The following RARB variants were observed in gnomAD, a reference collection of about 807,000 sequenced individuals.
RARB encodes retinoic acid receptor beta, also known as HBV-activated protein.
RARB carries 17 observed loss-of-function variants against 51.9 expected under a neutral mutation model. That is an observed-to-expected ratio of 0.33 (90% CI 0.22 to 0.49). RARB has a LOEUF of 0.49. Among genes scored for constraint, RARB ranks in the 20% least tolerant of loss-of-function variants. The probability of loss-of-function intolerance (pLI) is 0.99; values close to 1 mark genes in which losing one functional copy is unlikely to be tolerated. For missense variants in RARB, 369 were observed against 550.8 expected, an observed-to-expected ratio of 0.67 and a Z score of 3.30; for synonymous variants, 215 against 195.4, an observed-to-expected ratio of 1.10 and a Z score of -0.84.
intron 3 of RARB, among the ~76,000 whole-genome samples, chr3:25,083,741 T>C (rs1020760781): frequency 2.0e-5 from 3 of 152,182 alleles, no homozygotes; most frequent in African/African-American, 7.2e-5. Flanking sequence ...GGACTCTGGG[T>C]TGTATTATCA....
intron 2 of RARB, among the ~76,000 whole-genome samples, chr3:24,870,951 C>G (rs746493163): frequency 2.0e-5 from 3 of 151,580 alleles, no homozygotes; most frequent in Non-Finnish European, 4.4e-5. Flanking sequence ...TTATAGTAAC[C>G]CTGTTGTGCT....
intron 4 of RARB, among the ~76,000 whole-genome samples, chr3:25,164,686 A>G (rs1700531918): frequency 6.6e-6 from 1 of 152,198 alleles, no homozygotes; most frequent in African/African-American, 2.4e-5. Context: ...GGACCCTATT[A>G]TGGTTTCAAT....
At chr3:25,048,149 A>G (rs575287155) in intron 2 of RARB, among the ~76,000 whole-genome samples, 1 of 152,280 alleles carries the variant, frequency 6.6e-6, no homozygotes, top group South Asian at 2.1e-4. Context: ...ACCCATTCTC[A>G]GGTATGTCTT....
chr3:24,830,534 G>A (rs112187088), intron 1 of RARB, among the ~76,000 whole-genome samples: 3 of 150,784 alleles, frequency 2.0e-5, no homozygotes, highest in African/African-American at 7.3e-5. Context: ...CCAGCTCTCA[G>A]CGCGGGGTGA....
chr3:25,122,427 G>A (rs1699798920), intron 3 of RARB, among the ~76,000 whole-genome samples: 1 of 151,654 alleles, frequency 6.6e-6, no homozygotes, highest in Non-Finnish European at 1.5e-5. Flanking sequence ...TTGGCCTAGG[G>A]GTACTGTGGA....
chr3:25,303,526 T>G (rs759805467), intron 5 of RARB, among the ~76,000 whole-genome samples: 4 of 152,342 alleles, frequency 2.6e-5, no homozygotes, highest in East Asian at 3.9e-4. Flanking sequence ...GTGTCCCCTC[T>G]GACGTTAGCT....
intron 5 of RARB, among the ~76,000 whole-genome samples, chr3:25,234,797 T>A (rs1702265115): frequency 6.6e-6 from 1 of 152,122 alleles, no homozygotes; most frequent in South Asian, 2.1e-4. Context: ...AAGAAAAAAT[T>A]ATGAAGATTT....
intron 4 of RARB, among the ~76,000 whole-genome samples, chr3:25,157,569 T>G (rs148684294): frequency 1.3e-5 from 2 of 151,614 alleles, no homozygotes; most frequent in Non-Finnish European, 2.9e-5. Flanking sequence ...AGCTAATTTT[T>G]TATTTTTAGT....
Position 25,079,907 on chromosome 3 carries a change from T to A in RARB, c.-328+19731T>A, listed in dbSNP as rs539013169. Among the ~76,000 whole-genome samples, 8 of 152,350 alleles carry A rather than the reference T, an allele frequency of 5.3e-5. No homozygotes were observed. The South Asian group carries it at 1.7e-3, about 32-fold the overall frequency. ...TGTAATGAGTTGTAAAGGGTTTTATTCTATTTTCTGAAAGAGTGTGTATAA... is the reference window on the plus strand; with the variant it reads ...TGTAATGAGTTGTAAAGGGTTTTATACTATTTTCTGAAAGAGTGTGTATAA... On this transcript the variant is annotated intron_variant, in intron 3 of 11. Coordinates refer to the RARB transcript ENST00000383772.
At chr3:24,880,248 C>T (rs1703132484) in intron 2 of RARB, among the ~76,000 whole-genome samples, 1 of 151,366 alleles carries the variant, frequency 6.6e-6, no homozygotes, top group East Asian at 1.9e-4. Flanking sequence ...GGCTATCAGA[C>T]ATTTGGGGAA....
At chr3:25,152,200 C>A (rs539960963) in intron 4 of RARB, among the ~76,000 whole-genome samples, 2 of 152,202 alleles carry the variant, frequency 1.3e-5, no homozygotes, top group African/African-American at 4.8e-5. Flanking sequence ...TAAATACTCT[C>A]TAGACATGTG....
Position 25,378,371 on chromosome 3 carries a change from G to C in RARB, c.179-82822G>C, listed in dbSNP as rs1225509267. Among the ~76,000 whole-genome samples the C allele has an allele frequency of 2.6e-5, 4 of 152,178 alleles. No homozygotes were observed. The East Asian group carries it at 7.7e-4, about 29-fold the overall frequency. Reference sequence around the variant, plus strand: ...AAGTGGCGTGATGCCTCTGCCTCTGGTTTGTAAATCCCTGGTCTAGGAGGC... The same window carrying C: ...AAGTGGCGTGATGCCTCTGCCTCTGCTTTGTAAATCCCTGGTCTAGGAGGC... On this transcript the variant is annotated intron_variant, in intron 5 of 11. Transcript: ENST00000383772.
At chr3:24,992,366 C>T (rs1339757765) in intron 2 of RARB, among the ~76,000 whole-genome samples, 1 of 152,058 alleles carries the variant, frequency 6.6e-6, no homozygotes, top group Non-Finnish European at 1.5e-5. Context: ...AGTTGAGGTG[C>T]TTTCATCTTT....
intron 1 of RARB, among the ~76,000 whole-genome samples, chr3:25,449,251 T>C (rs1443495095): frequency 2.6e-5 from 4 of 151,990 alleles, no homozygotes; most frequent in Admixed American, 2.6e-4. Flanking sequence ...GCTGCCATTC[T>C]CCCTGCTGAG....
intron 5 of RARB, among the ~76,000 whole-genome samples, chr3:25,187,542 G>C (rs1039292): frequency 2.0e-5 from 3 of 151,932 alleles, no homozygotes; most frequent in African/African-American, 7.3e-5. Flanking sequence ...TCATGTGTTA[G>C]AGACAGGAGA....
chr3:25,202,426 T>C (rs1161835585), intron 5 of RARB, among the ~76,000 whole-genome samples: 1 of 152,206 alleles, frequency 6.6e-6, no homozygotes, highest in African/African-American at 2.4e-5. Context: ...TTTTTGTGTC[T>C]CTATCTCCTT....
intron 3 of RARB, among the ~76,000 whole-genome samples, chr3:25,085,208 A>G (rs1421718176): frequency 1.3e-5 from 2 of 152,218 alleles, no homozygotes; most frequent in African/African-American, 4.8e-5. Context: ...AGTGTCATCT[A>G]TTCAAAATAT....
intron 2 of RARB, among the ~76,000 whole-genome samples, chr3:24,860,935 T>C (rs1702738601): frequency 6.6e-6 from 1 of 152,186 alleles, no homozygotes; most frequent in African/African-American, 2.4e-5. Flanking sequence ...AGCAATAGAC[T>C]ATACCATGTA....
exon 2 of RARB, chr3:24,858,750 G>A (rs551994547): frequency 1.3e-5 from 2 of 152,242 alleles, no homozygotes; most frequent in South Asian, 4.2e-4. Flanking sequence ...CTTCAGCAAG[G>A]AGGTACGTTC....
Sources: allele counts gnomAD v4.1 joint callset (sites outside exome capture counted in the v4.1 genomes callset), GRCh38; gene constraint gnomAD v4.1.1; transcripts MANE v1.5; gene names NCBI Gene and HGNC (gene_info 2026-07-23, HGNC 2026-07-21).